PLXDC2: variants seen among roughly 807,000 people sequenced by gnomAD.
PLXDC2 encodes plexin domain-containing protein 2.
In PLXDC2, 40 loss-of-function variants were observed where a neutral mutation model predicts 68.9. The ratio of observed to expected loss-of-function variants is 0.58; its 90% CI spans 0.45 to 0.76. The LOEUF (loss-of-function observed/expected upper bound fraction) is 0.76, where lower values mean the gene tolerates loss of function less well. PLXDC2 is among the 30% of genes least tolerant of loss of function. The probability of loss-of-function intolerance (pLI) is 0.00; values close to 1 mark genes in which losing one functional copy is unlikely to be tolerated. For missense variants in PLXDC2, 644 were observed against 661.9 expected, an observed-to-expected ratio of 0.97 and a Z score of 0.30; for synonymous variants, 243 against 234.2, an observed-to-expected ratio of 1.04 and a Z score of -0.34.
At chr10:19,930,883 G>A (rs1224746080) in intron 1 of PLXDC2, among the ~76,000 whole-genome samples, 1 of 152,028 alleles carries the variant, frequency 6.6e-6, no homozygotes, top group African/African-American at 2.4e-5. Flanking sequence ...AGAATCACTT[G>A]AACCCAGAAG....
intron 1 of PLXDC2, among the ~76,000 whole-genome samples, chr10:19,996,812 A>G (rs1344049724): frequency 6.6e-6 from 1 of 152,162 alleles, no homozygotes; most frequent in Non-Finnish European, 1.5e-5. Context: ...CACATCTTAC[A>G]TGGAGGGCAA....
intron 4 of PLXDC2, among the ~76,000 whole-genome samples, chr10:20,116,075 T>A (rs1833617244): frequency 6.6e-6 from 1 of 152,226 alleles, no homozygotes; most frequent in African/African-American, 2.4e-5. Flanking sequence ...GGATTCACGC[T>A]GCTCCTCTAC....
intron 1 of PLXDC2, among the ~76,000 whole-genome samples, chr10:19,994,967 T>C (rs1181241294): frequency 6.6e-6 from 1 of 151,984 alleles, no homozygotes; most frequent in Non-Finnish European, 1.5e-5. Flanking sequence ...TGGTCTCGAA[T>C]TCCTGACCTC....
rs374583421 is a variant in PLXDC2, at chr10:20,281,970, C to T, written c.*2151C>T. The stretch of plus-strand genomic sequence containing the variant: ...ATTCTTAGTTTGTGTCCCTTAAGTA[C>T]TACTTAATTCTCAAGTAGTAATGTT... On this transcript the variant is annotated 3_prime_UTR_variant, in exon 14 of 14. Coordinates refer to ENST00000377252, the MANE Select transcript of PLXDC2 (RefSeq NM_032812.9). 9 of 152,184 alleles carry T rather than the reference C, an allele frequency of 5.9e-5. No homozygotes were observed. Among genetic ancestry groups the T allele is most frequent in the African/African-American group, 2.2e-4 (9 of 41,526 alleles). The allele number at this position is 152,184 out of a possible 1,614,324, so 9.4% of individuals were successfully genotyped here.
rs192490138 is a variant in PLXDC2, at chr10:20,139,892, G to A, written c.542-3403G>A. Among the ~76,000 whole-genome samples the A allele has an allele frequency of 4.2e-3, 646 of 152,240 alleles. 7 individuals carry two copies. The highest frequency in any genetic ancestry group is 0.015 in the African/African-American group (617 of 41,532). ...TTCGGGAGGGATAGCATTAGGAGAA[G>A]TACCTAATGTAGATGACGCATTGAT... is the stretch of plus-strand genomic sequence containing the variant. On this transcript the variant is annotated intron_variant, in intron 4 of 13. Coordinates refer to ENST00000377252, the MANE Select transcript of PLXDC2 (RefSeq NM_032812.9).
intron 1 of PLXDC2, among the ~76,000 whole-genome samples, chr10:19,892,304 T>C (rs540887808): frequency 1.7e-3 from 257 of 152,300 alleles, no homozygotes; most frequent in African/African-American, 5.9e-3. Flanking sequence ...ATGGTGGACT[T>C]GAAGGACCTA....
At chr10:20,122,536 A>G (rs911531011) in intron 4 of PLXDC2, among the ~76,000 whole-genome samples, 2 of 152,174 alleles carry the variant, frequency 1.3e-5, no homozygotes, top group African/African-American at 4.8e-5. Flanking sequence ...TTTCCAGTGG[A>G]GTCCCGCACA....
At chr10:20,019,231 G>A (rs954874422) in intron 2 of PLXDC2, among the ~76,000 whole-genome samples, 34 of 152,218 alleles carry the variant, frequency 2.2e-4, no homozygotes, top group African/African-American at 8.2e-4. Flanking sequence ...TTCTTCTCAT[G>A]ATTGTAACAA....
At chr10:20,087,663 G>A (rs1326195410) in intron 4 of PLXDC2, among the ~76,000 whole-genome samples, 3 of 152,160 alleles carry the variant, frequency 2.0e-5, no homozygotes, top group South Asian at 2.1e-4. Flanking sequence ...CTCTGATGAA[G>A]AGCCACTTGC....
intron 2 of PLXDC2, among the ~76,000 whole-genome samples, chr10:20,033,903 G>A (rs985824566): frequency 1.3e-5 from 2 of 151,968 alleles, no homozygotes; most frequent in African/African-American, 2.4e-5. Context: ...CATGTTCATC[G>A]TTCCTCAAAA....
intron 4 of PLXDC2, among the ~76,000 whole-genome samples, chr10:20,071,644 T>C (rs1836317404): frequency 6.6e-6 from 1 of 152,206 alleles, no homozygotes; most frequent in African/African-American, 2.4e-5. Flanking sequence ...CCATTAAACC[T>C]GTTTCCTTTA....
chr10:19,889,947 G>A (rs1333561250), intron 1 of PLXDC2, among the ~76,000 whole-genome samples: 1 of 152,214 alleles, frequency 6.6e-6, no homozygotes, highest in African/African-American at 2.4e-5. Flanking sequence ...GGAAGCCACT[G>A]AGGCGTAGAG....
At chr10:19,994,744 AT>A (rs202073639) in intron 1 of PLXDC2, among the ~76,000 whole-genome samples, 5 of 149,166 alleles carry the variant, frequency 3.4e-5, no homozygotes, top group African/African-American at 9.8e-5. Flanking sequence ...TCATTTATTG[AT>A]TTTTTTTTTG....
chr10:20,204,663 C>T (rs1183244472), intron 9 of PLXDC2, among the ~76,000 whole-genome samples: 5 of 152,158 alleles, frequency 3.3e-5, no homozygotes, highest in African/African-American at 1.2e-4. Flanking sequence ...AAGCAAACTA[C>T]AGTAAATGAA....
chr10:20,165,526 G>C (rs1488911136), intron 7 of PLXDC2, among the ~76,000 whole-genome samples: 1 of 151,982 alleles, frequency 6.6e-6, no homozygotes, highest in Non-Finnish European at 1.5e-5. Context: ...AGAATATGCG[G>C]TGTTTGGTTT....
chr10:20,082,053 A>AC (rs1418929397), intron 4 of PLXDC2, among the ~76,000 whole-genome samples: 7 of 142,336 alleles, frequency 4.9e-5, no homozygotes, highest in African/African-American at 1.6e-4. Flanking sequence ...CTGAAAAAAA[A>AC]AAAAAAAAAT....
At chr10:19,827,276 A>G (rs1836590188) in intron 1 of PLXDC2, among the ~76,000 whole-genome samples, 3 of 152,226 alleles carry the variant, frequency 2.0e-5, no homozygotes, top group Non-Finnish European at 4.4e-5. Flanking sequence ...CTGTAGCTTT[A>G]TAATAAGTCT....
intron 1 of PLXDC2, among the ~76,000 whole-genome samples, chr10:19,894,236 A>G (rs1838016258): frequency 6.6e-6 from 1 of 152,132 alleles, no homozygotes; most frequent in African/African-American, 2.4e-5. Flanking sequence ...CGTAAAACAA[A>G]ACAAAACAAA....
intron 7 of PLXDC2, among the ~76,000 whole-genome samples, chr10:20,174,614 AG>A (rs1437840543): frequency 2.0e-5 from 3 of 152,050 alleles, no homozygotes; most frequent in African/African-American, 4.8e-5. Flanking sequence ...AGACACAGGA[AG>A]GGGAACATCA....
Sources: gnomAD v4.1 joint callset for allele counts (sites outside exome capture counted in the v4.1 genomes callset) on GRCh38, gnomAD v4.1.1 for gene constraint, MANE v1.5 for transcripts, NCBI Gene and HGNC (gene_info 2026-07-23, HGNC 2026-07-21) for gene names.